The following CCDC68 variants were observed in gnomAD, a reference collection of about 807,000 sequenced individuals.
CCDC68 encodes the protein coiled-coil domain containing 68, also known as coiled-coil domain-containing protein 68.
CCDC68 carries 45 observed loss-of-function variants against 47.1 expected under a neutral mutation model. The ratio of observed to expected loss-of-function variants is 0.96; its 90% confidence interval spans 0.75 to 1.23. The LOEUF is 1.23. CCDC68 is among the 50% of genes most tolerant of loss of function. The pLI is 0.00. For synonymous variants in CCDC68, 131 were observed against 129.5 expected, an observed-to-expected ratio of 1.01 and a Z score of -0.08; for missense variants, 353 against 373.6, an observed-to-expected ratio of 0.94 and a Z score of 0.45.
At chr18:54,914,663 T>C (rs1213356765) in intron 10 of CCDC68, among the ~76,000 whole-genome samples, 1 of 152,004 alleles carries the variant, frequency 6.6e-6, no homozygotes, top group Non-Finnish European at 1.5e-5. Flanking sequence ...CTGGCTTGGG[T>C]TGAGCTACGT....
At chr18:54,916,326 G>A (rs2043952325) in intron 10 of CCDC68, among the ~76,000 whole-genome samples, 1 of 152,100 alleles carries the variant, frequency 6.6e-6, no homozygotes, top group African/African-American at 2.4e-5. Flanking sequence ...TGGGAAGGTA[G>A]AAATGGAAAA....
intron 4 of CCDC68, among the ~76,000 whole-genome samples, chr18:54,940,188 C>A (rs2044412619): frequency 6.6e-6 from 1 of 152,152 alleles, no homozygotes; most frequent in Non-Finnish European, 1.5e-5. Context: ...AAAATCTCTA[C>A]CCTGTATCCT....
intron 10 of CCDC68, among the ~76,000 whole-genome samples, chr18:54,917,273 A>G (rs920768476): frequency 6.6e-6 from 1 of 152,208 alleles, no homozygotes; most frequent in African/African-American, 2.4e-5. Flanking sequence ...GGAGGCCAGG[A>G]TGGATGTGAA....
Position 54,926,845 on chromosome 18 carries a change from A to G in CCDC68, c.683+1955T>C, listed in dbSNP as rs182632432. The stretch of plus-strand genomic sequence containing the variant: ...AGATTGAGCAATCTTGGACAACTCA[A>G]TTAGAACTTCATCTCTTTCCCAGAA... On this transcript the variant is annotated intron_variant, in intron 8 of 11. Transcript: ENST00000591504. Among the ~76,000 whole-genome samples the G allele has an allele frequency of 2.0e-3, 309 of 152,340 alleles. 1 individual carries two copies. The highest frequency in any genetic ancestry group is 7.3e-3 in the African/African-American group (302 of 41,584).
chr18:54,904,477 G>T, intron 11 of CCDC68, 62 bp from the exon 12 acceptor site: 1 of 1,289,706 alleles, frequency 7.8e-7, no homozygotes, highest in South Asian at 1.2e-5. Context: ...ATTATGGCTA[G>T]ACTACCATAC....
At chr18:54,929,052 A>T (rs1399371939) in intron 7 of CCDC68, among the ~76,000 whole-genome samples, 170 bp from the exon 8 acceptor site, 2 of 152,244 alleles carry the variant, frequency 1.3e-5, no homozygotes, top group East Asian at 1.9e-4. Flanking sequence ...TGCTTTGCAC[A>T]TAGTTCAACT....
intron 11 of CCDC68, among the ~76,000 whole-genome samples, chr18:54,907,393 G>A (rs1030657447): frequency 1.3e-5 from 2 of 152,008 alleles, no homozygotes; most frequent in Non-Finnish European, 2.9e-5. Flanking sequence ...TATTAGAGTT[G>A]ACAACATAGC....
Position 54,903,139 on chromosome 18 carries a change from C to T in CCDC68, c.*1219G>A, listed in dbSNP as rs956984695. ...CATTACATCATCTCATTTTTATATA[C>T]CTTCAAATATTTATAGACAACACTG... On this transcript the variant is annotated 3_prime_UTR_variant, in exon 12 of 12. Coordinates refer to ENST00000591504, the MANE Select transcript of CCDC68 (RefSeq NM_025214.3). 2 of 152,094 alleles carry T rather than the reference C, an allele frequency of 1.3e-5. No homozygotes were observed. The highest frequency in any genetic ancestry group is 4.8e-5 in the African/African-American group (2 of 41,408). The allele number at this position is 152,094 out of a possible 1,614,324, so 9.4% of individuals were successfully genotyped here.
chr18:54,947,879 A>G (rs2044552729), intron 1 of CCDC68, among the ~76,000 whole-genome samples: 1 of 152,218 alleles, frequency 6.6e-6, no homozygotes. Context: ...TAATGCACCG[A>G]TAATTTGTCA....
chr18:54,932,192 T>TG (rs1599063120), intron 7 of CCDC68, among the ~76,000 whole-genome samples: 1 of 151,544 alleles, frequency 6.6e-6, no homozygotes, highest in East Asian at 1.9e-4. Flanking sequence ...AATTTGGTTT[T>TG]TTTTTTTTTT....
chr18:54,944,257 A>C (rs1404771348), intron 2 of CCDC68, among the ~76,000 whole-genome samples: 1 of 152,094 alleles, frequency 6.6e-6, no homozygotes, highest in African/African-American at 2.4e-5. Context: ...TGGGGTAAGA[A>C]ATATGTAAAG....
chr18:54,904,580 A>G (rs1265499486), intron 11 of CCDC68, among the ~76,000 whole-genome samples, 165 bp from the exon 12 acceptor site: 1 of 152,222 alleles, frequency 6.6e-6, no homozygotes, highest in Non-Finnish European at 1.5e-5. Context: ...GTTCCCCATG[A>G]TATACAGTAG....
intron 11 of CCDC68, among the ~76,000 whole-genome samples, chr18:54,907,113 A>G (rs1461731350): frequency 6.6e-6 from 1 of 152,206 alleles, no homozygotes; most frequent in Non-Finnish European, 1.5e-5. Context: ...ACATATAATT[A>G]GAGACTATGT....
intron 2 of CCDC68, 53 bp from the exon 3 acceptor site, chr18:54,942,856 T>A: frequency 1.0e-6 from 1 of 962,792 alleles, no homozygotes; most frequent in Non-Finnish European, 1.7e-6. Flanking sequence ...GATTGTATGA[T>A]TATATGGTTC....
At chr18:54,917,324 A>G (rs2043970179) in intron 10 of CCDC68, among the ~76,000 whole-genome samples, 2 of 152,160 alleles carry the variant, frequency 1.3e-5, no homozygotes, top group South Asian at 4.1e-4. Flanking sequence ...CCAGGAAAGG[A>G]TCATGCATGG....
At chr18:54,946,832 G>GTT (rs554906167) in intron 1 of CCDC68, among the ~76,000 whole-genome samples, 187 of 148,488 alleles carry the variant, frequency 1.3e-3, no homozygotes, top group African/African-American at 3.8e-3. Context: ...AGGAAAATGA[G>GTT]TTTTTTTTTT....
Position 54,904,144 on chromosome 18 carries a change from T to G in CCDC68, c.*214A>C. The G allele has an allele frequency of 2.5e-6, 1 of 393,726 alleles. No homozygotes were observed. The highest frequency in any genetic ancestry group is 3.9e-5 in the East Asian group (1 of 25,716). The allele number at this position is 393,726 out of a possible 1,614,324, so 24.4% of individuals were successfully genotyped here. A position where few individuals can be genotyped will look rare whatever the true frequency, so the allele number is the denominator to read the frequency against. On this transcript the variant is annotated 3_prime_UTR_variant, in exon 12 of 12. Coordinates refer to ENST00000591504, the MANE Select transcript of CCDC68 (RefSeq NM_025214.3). ...CTTCCATCATGAGAAGGCACCTGGT[T>G]TCTTCAACTATTTGGTAAGTTTTGA...
intron 10 of CCDC68, among the ~76,000 whole-genome samples, chr18:54,916,047 T>G (rs1396951980): frequency 1.3e-5 from 2 of 152,158 alleles, no homozygotes; most frequent in Admixed American, 6.5e-5. Context: ...AAGAAATGTC[T>G]TTAGAGAACA....
chr18:54,916,337 T>C (rs1234249620), intron 10 of CCDC68, among the ~76,000 whole-genome samples: 1 of 152,026 alleles, frequency 6.6e-6, no homozygotes, highest in East Asian at 1.9e-4. Context: ...AAATGGAAAA[T>C]GAGGCCACAA....
Sources: allele counts gnomAD v4.1 joint callset (sites outside exome capture counted in the v4.1 genomes callset), GRCh38; gene constraint gnomAD v4.1.1; transcripts MANE v1.5; gene names NCBI Gene and HGNC (gene_info 2026-07-23, HGNC 2026-07-21).